Variants in ARMH3 observed in about 807,000 individuals in gnomAD.
ARMH3 encodes the protein armadillo-like helical domain-containing protein 3.
In ARMH3, 60 loss-of-function variants were observed where a neutral mutation model predicts 99.1. That is an observed-to-expected ratio of 0.61 (90% CI 0.49 to 0.75). ARMH3 has a LOEUF of 0.75. Ranked by LOEUF, ARMH3 falls within the 30% of genes least tolerant of loss-of-function variation. ARMH3 has a pLI of 0.00. For synonymous variants in ARMH3, 285 were observed against 292.8 expected, an observed-to-expected ratio of 0.97 and a Z score of 0.27; for missense variants, 679 against 843.1, an observed-to-expected ratio of 0.81 and a Z score of 2.41.
intron 19 of ARMH3, among the ~76,000 whole-genome samples, chr10:101,984,588 T>C (rs765511415): frequency 5.9e-5 from 9 of 152,066 alleles, no homozygotes; most frequent in Non-Finnish European, 1.5e-5. Context: ...AGAGCACCAA[T>C]GAGATGCGAC....
At chr10:101,881,553 GTTTT>G (rs1188617231) in intron 24 of ARMH3, among the ~76,000 whole-genome samples, 3 of 151,720 alleles carry the variant, frequency 2.0e-5, no homozygotes, top group Non-Finnish European at 4.4e-5. Context: ...CATGTGTGGG[GTTTT>G]TTTTAACTGC....
At chr10:101,885,047 T>G (rs942172329) in intron 24 of ARMH3, among the ~76,000 whole-genome samples, 1 of 152,128 alleles carries the variant, frequency 6.6e-6, no homozygotes, top group Non-Finnish European at 1.5e-5. Context: ...ATGGCTAATA[T>G]GTACATGAAG....
At chr10:102,015,134 C>T (rs917388059) in intron 8 of ARMH3, among the ~76,000 whole-genome samples, 1 of 152,198 alleles carries the variant, frequency 6.6e-6, no homozygotes, top group South Asian at 2.1e-4. Flanking sequence ...GTAAAACCCA[C>T]TCCATTTGTT....
chr10:101,929,910 T>C (rs1028448494), intron 23 of ARMH3, among the ~76,000 whole-genome samples: 1 of 152,134 alleles, frequency 6.6e-6, no homozygotes, highest in Admixed American at 6.5e-5. Context: ...TTTTTTTAAA[T>C]TTTGGATATT....
In ARMH3 at chr10:102,040,765, C is replaced by G. The variant is rs199947898; in HGVS notation, c.-11-640G>C. Among the ~76,000 whole-genome samples the G allele has an allele frequency of 7.2e-5, 11 of 152,276 alleles. No homozygotes were observed. The East Asian group carries it at 1.9e-3, about 27-fold the overall frequency. On this transcript the variant is annotated intron_variant, in intron 1 of 25. Transcript: ENST00000370033. ...ATATTTGAGGTTGATGGAAGGAAGG[C>G]AGCAAAGCACACACTGCCCACAGAC...
At chr10:102,032,997 A>G in intron 4 of ARMH3, 29 bp downstream of exon 4, 1 of 1,610,386 alleles carries the variant, frequency 6.2e-7, no homozygotes, top group Middle Eastern at 1.7e-4. Context: ...CCTGTTAAAC[A>G]AGACTTCCCC....
chr10:101,870,665 A>G (rs1446151837), intron 24 of ARMH3, among the ~76,000 whole-genome samples: 1 of 152,246 alleles, frequency 6.6e-6, no homozygotes, highest in Non-Finnish European at 1.5e-5. Flanking sequence ...ATTAAGCAAG[A>G]AATAAAACCA....
chr10:102,049,608 G>T (rs1343569491), intron 1 of ARMH3, among the ~76,000 whole-genome samples: 1 of 149,790 alleles, frequency 6.7e-6, no homozygotes, highest in Non-Finnish European at 1.5e-5. Context: ...TTGAGATAGG[G>T]TCTCAAGGCT....
intron 19 of ARMH3, among the ~76,000 whole-genome samples, chr10:101,983,155 T>C (rs1451949535): frequency 6.6e-6 from 1 of 152,210 alleles, no homozygotes; most frequent in Non-Finnish European, 1.5e-5. Context: ...AGCTTCAGAA[T>C]GAGGGTTGGT....
intron 23 of ARMH3, among the ~76,000 whole-genome samples, chr10:101,891,257 G>A (rs1167611093): frequency 1.3e-5 from 2 of 151,376 alleles, no homozygotes; most frequent in Non-Finnish European, 2.9e-5. Flanking sequence ...GTGCAATGGT[G>A]CGATCTCAGC....
intron 19 of ARMH3, among the ~76,000 whole-genome samples, chr10:101,981,006 C>A (rs566873851): frequency 6.7e-6 from 1 of 149,140 alleles, no homozygotes; most frequent in South Asian, 2.1e-4. Flanking sequence ...GGGAGCTGAA[C>A]ATTGAGAACA....
chr10:101,987,813 T>C (rs1027403525), intron 19 of ARMH3, among the ~76,000 whole-genome samples: 3 of 152,164 alleles, frequency 2.0e-5, no homozygotes, highest in African/African-American at 7.2e-5. Flanking sequence ...TGAAAGCAGA[T>C]TTTTGAGCCC....
At chr10:102,023,253 C>T (rs2066927793) in intron 8 of ARMH3, among the ~76,000 whole-genome samples, 1 of 151,686 alleles carries the variant, frequency 6.6e-6, no homozygotes, top group African/African-American at 2.4e-5. Context: ...TACATTAGGG[C>T]GTACTTACTC....
intron 24 of ARMH3, among the ~76,000 whole-genome samples, chr10:101,879,096 A>T (rs1247459038): frequency 6.6e-6 from 1 of 152,118 alleles, no homozygotes; most frequent in Non-Finnish European, 1.5e-5. Flanking sequence ...CCCGGGAATA[A>T]GCCATTATCT....
At chr10:101,889,931 G>C (rs1370371776) in intron 23 of ARMH3, among the ~76,000 whole-genome samples, 3 of 152,180 alleles carry the variant, frequency 2.0e-5, no homozygotes, top group African/African-American at 7.2e-5. Flanking sequence ...ATACTTGTTA[G>C]TAAATAGTTT....
intron 17 of ARMH3, among the ~76,000 whole-genome samples, chr10:101,993,097 C>T: frequency 6.6e-6 from 1 of 151,682 alleles, no homozygotes; most frequent in African/African-American, 2.4e-5. Context: ...GTGGTGAAAC[C>T]CCATCTGTAA....
chr10:101,857,708 G>A (rs1284058284), intron 24 of ARMH3, among the ~76,000 whole-genome samples: 2 of 152,304 alleles, frequency 1.3e-5, no homozygotes, highest in African/African-American at 4.8e-5. Context: ...CTACAAAAAT[G>A]AGAATGACCT....
At chr10:102,009,325 G>A in intron 13 of ARMH3, 49 bp downstream of exon 13, 4 of 1,503,326 alleles carry the variant, frequency 2.7e-6, no homozygotes, top group East Asian at 4.5e-5. Flanking sequence ...GAATTAATCG[G>A]TATGAAATTT....
At chr10:102,026,455 G>T (rs61873636) in intron 5 of ARMH3, among the ~76,000 whole-genome samples, 7,443 of 152,280 alleles carry the variant, frequency 0.049, 193 homozygotes, top group Middle Eastern at 0.095. Context: ...CAGAGGAATG[G>T]AATTTGCTCT....
Sources: gnomAD v4.1 joint callset for allele counts (sites outside exome capture counted in the v4.1 genomes callset) on GRCh38, gnomAD v4.1.1 for gene constraint, MANE v1.5 for transcripts, NCBI Gene and HGNC (gene_info 2026-07-23, HGNC 2026-07-21) for gene names.